The following KIF6 variants were observed in gnomAD, a reference collection of about 807,000 sequenced individuals.
KIF6 encodes the protein kinesin family member 6, also known as kinesin-like protein KIF6.
A neutral mutation model predicts 112.7 loss-of-function variants in KIF6; 106 were observed. The ratio of observed to expected loss-of-function variants is 0.94; its 90% CI spans 0.80 to 1.11. KIF6 has a LOEUF of 1.11. KIF6 is among the 50% of genes least tolerant of loss of function. KIF6 has a pLI of 0.00. For synonymous variants in KIF6, 339 were observed against 339.9 expected (o/e 1.00, Z 0.03); for missense variants, 929 against 964.0 (o/e 0.96, Z 0.48).
intron 13 of KIF6, among the ~76,000 whole-genome samples, chr6:39,458,174 T>C (rs1350359913): frequency 6.8e-6 from 1 of 147,676 alleles, no homozygotes; most frequent in Non-Finnish European, 1.5e-5. Flanking sequence ...TTATCCACCA[T>C]GATCAAGTGG....
Position 39,343,649 on chromosome 6 carries a change from C to A in KIF6, c.2428+60G>T. On this transcript the variant is annotated intron_variant, in intron 22 of 22. Transcript: ENST00000287152. This position sits in a 1 kb window ranked among gnomAD's most constrained non-coding sequence, Gnocchi z 4.1. ...TACTCCCCTCCCACCTCACTGTGTGCTCCCCACAAGTGTTGGTGACCTGCT... is the reference window on the plus strand; with the variant it reads ...TACTCCCCTCCCACCTCACTGTGTGATCCCCACAAGTGTTGGTGACCTGCT... 7.4e-7 allele frequency: 1 copy of A among 1,351,164 alleles called. No homozygotes were observed. The highest frequency in any genetic ancestry group is 1.0e-6 in the Non-Finnish European group (1 of 967,526). The allele number at this position is 1,351,164 out of a possible 1,614,324, so 83.7% of individuals were successfully genotyped here.
At chr6:39,565,538 C>G (rs1780233762) in intron 10 of KIF6, among the ~76,000 whole-genome samples, 1 of 152,222 alleles carries the variant, frequency 6.6e-6, no homozygotes, top group African/African-American at 2.4e-5. Context: ...CTAAGACAAA[C>G]TGTTCTCTCT....
intron 3 of KIF6, among the ~76,000 whole-genome samples, chr6:39,703,093 C>T (rs1483595235): frequency 7.0e-6 from 1 of 142,678 alleles, no homozygotes; most frequent in Non-Finnish European, 1.5e-5. Flanking sequence ...CCCCCACTCC[C>T]GGCCACCAAG....
chr6:39,657,194 G>C (rs144475009), intron 3 of KIF6, among the ~76,000 whole-genome samples: 1 of 150,438 alleles, frequency 6.6e-6, no homozygotes, highest in Non-Finnish European at 1.5e-5. Flanking sequence ...GATAGCACCA[G>C]TGCACTCCAG....
intron 3 of KIF6, among the ~76,000 whole-genome samples, chr6:39,676,409 G>A (rs1787143135): frequency 6.6e-6 from 1 of 151,980 alleles, no homozygotes; most frequent in Non-Finnish European, 1.5e-5. Flanking sequence ...TAATGAAAGA[G>A]TTAATCATTA....
At chr6:39,714,237 G>T (rs1789705566) in intron 3 of KIF6, among the ~76,000 whole-genome samples, 1 of 152,286 alleles carries the variant, frequency 6.6e-6, no homozygotes, top group South Asian at 2.1e-4. Context: ...AAATGACACT[G>T]AGGTAGAGCA....
chr6:39,637,389 A>G (rs1784674877), intron 4 of KIF6, among the ~76,000 whole-genome samples: 1 of 152,048 alleles, frequency 6.6e-6, no homozygotes, highest in Non-Finnish European at 1.5e-5. Context: ...ACTGTAATGT[A>G]ACACACATGT....
chr6:39,559,036 A>G (rs1305875283), intron 10 of KIF6, among the ~76,000 whole-genome samples: 1 of 152,216 alleles, frequency 6.6e-6, no homozygotes, highest in Non-Finnish European at 1.5e-5. Context: ...TAATATCTTC[A>G]AAATGTAGTG....
intron 15 of KIF6, among the ~76,000 whole-genome samples, chr6:39,405,663 T>A (rs1769035077): frequency 6.6e-6 from 1 of 152,210 alleles, no homozygotes; most frequent in Admixed American, 6.5e-5. Context: ...TCTTGTGATG[T>A]CTTTGTCTGG....
At chr6:39,509,097 G>C (rs1364826504) in intron 13 of KIF6, among the ~76,000 whole-genome samples, 1 of 152,158 alleles carries the variant, frequency 6.6e-6, no homozygotes, top group Non-Finnish European at 1.5e-5. Flanking sequence ...GCAGGGTCTG[G>C]AGTGGACCTC....
intron 16 of KIF6, among the ~76,000 whole-genome samples, chr6:39,373,597 T>G (rs982849270): frequency 6.6e-6 from 1 of 150,724 alleles, no homozygotes; most frequent in Non-Finnish European, 1.5e-5. Context: ...AAAGAGAAAT[T>G]AAAAAAAAAT....
chr6:39,699,284 C>T (rs1381332351), intron 3 of KIF6, among the ~76,000 whole-genome samples: 1 of 152,048 alleles, frequency 6.6e-6, no homozygotes, highest in East Asian at 1.9e-4. Flanking sequence ...AGATGGGCTG[C>T]AGTTTTTAGT....
chr6:39,580,054 T>A (rs1314881598), intron 9 of KIF6, among the ~76,000 whole-genome samples: 3 of 152,058 alleles, frequency 2.0e-5, no homozygotes, highest in Non-Finnish European at 4.4e-5. Flanking sequence ...TCTCCTCAAA[T>A]TTTAACTGGA....
chr6:39,657,339 G>GA (rs1215576994), intron 3 of KIF6, among the ~76,000 whole-genome samples: 4 of 152,158 alleles, frequency 2.6e-5, no homozygotes, highest in South Asian at 2.1e-4. Context: ...TGTAGGGATT[G>GA]AAAAAATCTG....
At chr6:39,384,941 A>C (rs778086866) in intron 16 of KIF6, among the ~76,000 whole-genome samples, 1 of 152,230 alleles carries the variant, frequency 6.6e-6, no homozygotes, top group Non-Finnish European at 1.5e-5. Flanking sequence ...TTTTCTGCAG[A>C]TGTCCACTGC....
chr6:39,675,790 A>C (rs1787100714), intron 3 of KIF6, among the ~76,000 whole-genome samples: 1 of 152,066 alleles, frequency 6.6e-6, no homozygotes, highest in East Asian at 1.9e-4. Flanking sequence ...AAAAAAAATG[A>C]CCAAGTAGAA....
intron 16 of KIF6, among the ~76,000 whole-genome samples, chr6:39,384,566 C>T (rs552736412): frequency 1.3e-5 from 2 of 152,314 alleles, no homozygotes; most frequent in South Asian, 4.1e-4. Context: ...TAATCAGCAG[C>T]TATTCTATAT....
At chr6:39,588,675 C>T (rs1031860035) in intron 7 of KIF6, among the ~76,000 whole-genome samples, 7 of 152,098 alleles carry the variant, frequency 4.6e-5, no homozygotes, top group African/African-American at 1.7e-4. Flanking sequence ...CTGATTCTTT[C>T]CCAGATCTCA....
rs1166987670 is a variant in KIF6, at chr6:39,563,616, C to A, written c.1181+14440G>T. Among the ~76,000 whole-genome samples, 5 of 152,276 alleles carry A rather than the reference C, an allele frequency of 3.3e-5. No homozygotes were observed. The East Asian group carries it at 9.6e-4, about 29-fold the overall frequency. On this transcript the variant is annotated intron_variant, in intron 10 of 22. Transcript: ENST00000287152. ...ATTATAAATAGTTTGTGATAAATAT[C>A]TTTGTATCTGTGTCCTTAGGGACAA...
Sources: allele counts gnomAD v4.1 joint callset (sites outside exome capture counted in the v4.1 genomes callset), GRCh38; gene constraint gnomAD v4.1.1; non-coding constraint Gnocchi (gnomAD v3.1); transcripts MANE v1.5; gene names NCBI Gene and HGNC (gene_info 2026-07-23, HGNC 2026-07-21).